The following PLAGL1 variants were observed in gnomAD, a reference collection of about 807,000 sequenced individuals.
The protein encoded by PLAGL1 is PLAG1 like zinc finger 1.
PLAGL1 carries 1 observed loss-of-function variant against 4.6 expected under a neutral mutation model. The observed-to-expected ratio is 0.22, with a 90% CI of 0.08 to 1.03. The LOEUF (loss-of-function observed/expected upper bound fraction) is 1.03. Among genes scored for constraint, PLAGL1 ranks in the 50% least tolerant of loss-of-function variants. The pLI is 0.58. For missense variants in PLAGL1, 464 were observed against 570.4 expected (o/e 0.81, Z 1.90); for synonymous variants, 240 against 237.8 (o/e 1.01, Z -0.08).
In PLAGL1 at chr6:143,947,968, T is replaced by C; in HGVS notation, c.152+17A>G. On this transcript the variant is annotated intron_variant, in intron 7 of 7. Coordinates refer to ENST00000674357, the MANE Select transcript of PLAGL1 (RefSeq NM_001317162.2). This position sits in a 1 kb window ranked among gnomAD's most constrained non-coding sequence, Gnocchi z 4.3. Reference sequence around the variant, plus strand: ...AACGTACTTCTAAAAGTGCATACCTTTGCCAAAGCCTCTCACCTCATCAAT... The same window carrying C: ...AACGTACTTCTAAAAGTGCATACCTCTGCCAAAGCCTCTCACCTCATCAAT... The C allele has an allele frequency of 3.1e-6, 5 of 1,609,576 alleles. No individual in the cohort carries two copies. Among genetic ancestry groups the C allele is most frequent in the Non-Finnish European group, 3.4e-6 (4 of 1,176,134 alleles).
rs1000983498 is a variant in PLAGL1, at chr6:143,968,643, T to C, written c.-472+264A>G. 2.6e-5 allele frequency: 4 copies of C among 152,230 alleles called. No homozygotes were observed. The highest frequency in any genetic ancestry group is 9.6e-5 in the African/African-American group (4 of 41,460). The allele number at this position is 152,230 out of a possible 1,614,324, so 9.4% of individuals were successfully genotyped here. ...AGCAATGATCGTTCTTAGCGTGTCC[T>C]CTTGAATTTTTAGAGTGAAAAACAG... On this transcript the variant is annotated intron_variant, in intron 3 of 7. Coordinates refer to ENST00000674357, the MANE Select transcript of PLAGL1 (RefSeq NM_001317162.2). The surrounding 1 kb of genome is among the most constrained non-coding windows in gnomAD (Gnocchi z 6.3).
chr6:144,056,291 G>C lies in PLAGL1; in HGVS notation c.-151+8177C>G, dbSNP rs1482570399. 6.6e-6 allele frequency among the ~76,000 whole-genome samples: 1 copy of C among 152,138 alleles called. No individual in the cohort carries two copies. The highest frequency in any genetic ancestry group is 1.5e-5 in the Non-Finnish European group (1 of 68,012). On this transcript the variant is annotated intron_variant, in intron 1 of 3. Transcript: ENST00000437412. This position sits in a 1 kb window ranked among gnomAD's most constrained non-coding sequence, Gnocchi z 4.7. ...CCCCTATTACCGGCATCCCCACCAGGATGGCGCATTTGTTCCAACTGTTCA... is the reference window on the plus strand; with the variant it reads ...CCCCTATTACCGGCATCCCCACCAGCATGGCGCATTTGTTCCAACTGTTCA...
rs953486442 is a variant in PLAGL1, at chr6:143,949,706, C to T, written c.-324-1246G>A. On this transcript the variant is annotated intron_variant, in intron 6 of 7. Coordinates refer to ENST00000674357, the MANE Select transcript of PLAGL1 (RefSeq NM_001317162.2). This position sits in a 1 kb window ranked among gnomAD's most constrained non-coding sequence, Gnocchi z 5.3. ...GAAGTACACTTGAGTAGCTTTTGTC[C>T]ACAGGCCAGCATTTGCTGAACTTTG... 6.6e-6 allele frequency among the ~76,000 whole-genome samples: 1 copy of T among 152,152 alleles called. No homozygotes were observed. The highest frequency in any genetic ancestry group is 1.5e-5 in the Non-Finnish European group (1 of 68,030).
rs1308277796 is a variant in PLAGL1, at chr6:144,034,468, C to T, written c.-151+30000G>A. On this transcript the variant is annotated intron_variant, in intron 1 of 3. Coordinates refer to the PLAGL1 transcript ENST00000437412. The surrounding 1 kb of genome is among the most constrained non-coding windows in gnomAD (Gnocchi z 4.7). ...CCTCAAGTCCTTTTAGTGTTTGTTTCTCTTCAAGAAAATAAAACACTTATT... is the reference window on the plus strand; with the variant it reads ...CCTCAAGTCCTTTTAGTGTTTGTTTTTCTTCAAGAAAATAAAACACTTATT... Among the ~76,000 whole-genome samples the T allele has an allele frequency of 2.0e-5, 3 of 152,214 alleles. No individual in the cohort carries two copies. Among genetic ancestry groups the T allele is most frequent in the African/African-American group, 7.2e-5 (3 of 41,454 alleles).
chr6:143,944,146 C>T (rs142951392), intron 7 of PLAGL1, among the ~76,000 whole-genome samples: 16 of 152,278 alleles, frequency 1.1e-4, no homozygotes, highest in Non-Finnish European at 2.1e-4. Flanking sequence ...TGAGCTTTCA[C>T]GTTAGATACA....
chr6:144,025,157 T>G (rs1201691424), intron 1 of PLAGL1, among the ~76,000 whole-genome samples: 3 of 152,188 alleles, frequency 2.0e-5, no homozygotes, highest in African/African-American at 7.2e-5. Context: ...ACCCTTTTCC[T>G]TTACTTTTGT....
intron 1 of PLAGL1, among the ~76,000 whole-genome samples, chr6:144,062,103 C>T (rs1376718712): frequency 6.6e-6 from 1 of 152,160 alleles, no homozygotes; most frequent in Non-Finnish European, 1.5e-5. Flanking sequence ...ATGGGCCGGG[C>T]ACGGTGGCTC....
intron 1 of PLAGL1, among the ~76,000 whole-genome samples, chr6:144,045,206 G>A (rs1378457187): frequency 1.3e-5 from 2 of 151,992 alleles, no homozygotes; most frequent in East Asian, 1.9e-4. Context: ...ATTGTTATGT[G>A]TGAATTTGAT....
chr6:143,977,764 T>C (rs1787042221), intron 2 of PLAGL1, among the ~76,000 whole-genome samples: 1 of 152,082 alleles, frequency 6.6e-6, no homozygotes, highest in Non-Finnish European at 1.5e-5. Context: ...CCTCCAAAGG[T>C]GCTGGGGTTA....
Position 144,047,183 on chromosome 6 carries a change from C to T in PLAGL1, c.-151+17285G>A, listed in dbSNP as rs530065775. ...GAGGCAACACCCCACCCTGCTTCAG[C>T]TTGCCCTCCATGGGCTGCACCCACT... On this transcript the variant is annotated intron_variant, in intron 1 of 3. Coordinates refer to the PLAGL1 transcript ENST00000437412. Among the ~76,000 whole-genome samples, 10 of 152,304 alleles carry T rather than the reference C, an allele frequency of 6.6e-5. No individual in the cohort carries two copies. The East Asian group carries it at 1.9e-3, about 29-fold the overall frequency.
intron 1 of PLAGL1, among the ~76,000 whole-genome samples, chr6:144,021,761 A>G (rs1048105486): frequency 3.3e-5 from 5 of 152,236 alleles, no homozygotes; most frequent in Admixed American, 2.6e-4. Context: ...GAAATTAAAG[A>G]CTGTCATTAT....
chr6:143,972,386 CAAGT>C lies in PLAGL1; in HGVS notation c.-543-3412_-543-3409del, dbSNP rs1300225994. On this transcript the variant is annotated intron_variant, in intron 2 of 7. Transcript: ENST00000674357. This position sits in a 1 kb window ranked among gnomAD's most constrained non-coding sequence, Gnocchi z 6.8. ...CATAAATTCTTCCTGGGAAATCAAGCAAGTGAGGGGAGATGTGAAAGAAGGTATC... is the reference window on the plus strand; with the variant it reads ...CATAAATTCTTCCTGGGAAATCAAGCGAGGGGAGATGTGAAAGAAGGTATC... 2.6e-5 allele frequency among the ~76,000 whole-genome samples: 4 copies of C among 152,140 alleles called. No homozygotes were observed. The East Asian group carries it at 5.8e-4, about 22-fold the overall frequency.
rs138851811 is a variant in PLAGL1, at chr6:144,017,198, T to C, written c.-151+47270A>G. On this transcript the variant is annotated intron_variant, in intron 1 of 3. Coordinates refer to the PLAGL1 transcript ENST00000437412. ...ACCCTTAAAAACCTGTATACATATGTAGTTTTTTTTTAAAGCGCATCGCTT... is the reference window on the plus strand; with the variant it reads ...ACCCTTAAAAACCTGTATACATATGCAGTTTTTTTTTAAAGCGCATCGCTT... Among the ~76,000 whole-genome samples the C allele has an allele frequency of 2.0e-3, 297 of 152,302 alleles. 4 individuals carry two copies. Among genetic ancestry groups the C allele is most frequent in the East Asian group, 0.015 (76 of 5,188 alleles).
chr6:143,956,406 C>A (rs916262922), intron 6 of PLAGL1, among the ~76,000 whole-genome samples: 1 of 152,134 alleles, frequency 6.6e-6, no homozygotes, highest in Non-Finnish European at 1.5e-5. Flanking sequence ...CCCCCCAGCT[C>A]CTCTTGGATA....
Position 144,056,937 on chromosome 6 carries a change from A to G in PLAGL1, c.-151+7531T>C, listed in dbSNP as rs1799016962. On this transcript the variant is annotated intron_variant, in intron 1 of 3. Transcript: ENST00000437412. The surrounding 1 kb of genome is among the most constrained non-coding windows in gnomAD (Gnocchi z 4.7). ...CAGCCTCCCAAAGTGCTGAGCCACT[A>G]TGCCTGACTCTCATTTCTTTTTAGT... Among the ~76,000 whole-genome samples the G allele has an allele frequency of 6.6e-6, 1 of 152,140 alleles. No homozygotes were observed. Among genetic ancestry groups the G allele is most frequent in the Admixed American group, 6.5e-5 (1 of 15,278 alleles).
rs1438925494 is a variant in PLAGL1, at chr6:143,952,385, C to T, written c.-324-3925G>A. On this transcript the variant is annotated intron_variant, in intron 6 of 7. Coordinates refer to ENST00000674357, the MANE Select transcript of PLAGL1 (RefSeq NM_001317162.2). The surrounding 1 kb of genome is among the most constrained non-coding windows in gnomAD (Gnocchi z 6.1). Reference sequence around the variant, plus strand: ...TTGAGTCTTAAATACGGTGCTATTTCAACACCTGTCACCCTAGAAAGATAG... The same window carrying T: ...TTGAGTCTTAAATACGGTGCTATTTTAACACCTGTCACCCTAGAAAGATAG... Among the ~76,000 whole-genome samples the T allele has an allele frequency of 1.3e-5, 2 of 152,182 alleles. No homozygotes were observed. Among genetic ancestry groups the T allele is most frequent in the Non-Finnish European group, 2.9e-5 (2 of 68,030 alleles).
chr6:143,968,293 C>A lies in PLAGL1; in HGVS notation c.-472+614G>T, dbSNP rs1416958810. 6.6e-6 allele frequency: 1 copy of A among 152,112 alleles called. No homozygotes were observed. Among genetic ancestry groups the A allele is most frequent in the African/African-American group, 2.4e-5 (1 of 41,418 alleles). 9.4% of individuals were successfully genotyped at this position (152,112 alleles called of 1,614,324 possible). On this transcript the variant is annotated intron_variant, in intron 3 of 7. Transcript: ENST00000674357. This position sits in a 1 kb window ranked among gnomAD's most constrained non-coding sequence, Gnocchi z 6.3. ...ATGGGGACCCTGCCAACCATGAATT[C>A]CCTCAAATAAACACTGGTTGAGTGA... is the stretch of plus-strand genomic sequence containing the variant.
Position 143,954,941 on chromosome 6 carries a change from T to G in PLAGL1, c.-325+5528A>C, listed in dbSNP as rs1258478610. On this transcript the variant is annotated intron_variant, in intron 6 of 7. Coordinates refer to ENST00000674357, the MANE Select transcript of PLAGL1 (RefSeq NM_001317162.2). This position sits in a 1 kb window ranked among gnomAD's most constrained non-coding sequence, Gnocchi z 5.1. ...GAAATATAGTTTAAATACCATCATA[T>G]TAGCCAGAAAATAAAGACAGGTAAC... Among the ~76,000 whole-genome samples, 3 of 152,172 alleles carry G rather than the reference T, an allele frequency of 2.0e-5. No individual in the cohort carries two copies. Among genetic ancestry groups the G allele is most frequent in the African/African-American group, 7.2e-5 (3 of 41,440 alleles).
At position 144,063,888 on chromosome 6, in the gene PLAGL1, G is replaced by T. The variant is rs1799626105; in HGVS notation, c.-151+580C>A. 6.6e-6 allele frequency among the ~76,000 whole-genome samples: 1 copy of T among 152,158 alleles called. No individual in the cohort carries two copies. The highest frequency in any genetic ancestry group is 2.4e-5 in the African/African-American group (1 of 41,446). On this transcript the variant is annotated intron_variant, in intron 1 of 3. Coordinates refer to the PLAGL1 transcript ENST00000437412. This position sits in a 1 kb window ranked among gnomAD's most constrained non-coding sequence, Gnocchi z 5.7. ...AATCCGGGGTGACGCCACGGCCCAGGTCTCTTTTCTCCCGGAGTCTGCGGG... is the reference window on the plus strand; with the variant it reads ...AATCCGGGGTGACGCCACGGCCCAGTTCTCTTTTCTCCCGGAGTCTGCGGG...
Sources: allele counts gnomAD v4.1 joint callset (sites outside exome capture counted in the v4.1 genomes callset), GRCh38; gene constraint gnomAD v4.1.1; non-coding constraint Gnocchi (gnomAD v3.1); transcripts MANE v1.5; gene names NCBI Gene and HGNC (gene_info 2026-07-23, HGNC 2026-07-21).